Variants in NHSL2 observed in about 807,000 individuals in gnomAD.
The protein encoded by NHSL2 is NHS-like protein 2.
In NHSL2, 27 loss-of-function variants were observed where a neutral mutation model predicts 53.4. The ratio of observed to expected loss-of-function variants is 0.51; its 90% CI spans 0.37 to 0.70. The LOEUF (loss-of-function observed/expected upper bound fraction) is 0.70. Ranked by LOEUF, NHSL2 falls within the 30% of genes least tolerant of loss-of-function variation. NHSL2 has a pLI of 0.00. For missense variants in NHSL2, 892 were observed against 980.1 expected (o/e 0.91, Z 1.20); for synonymous variants, 408 against 404.1 (o/e 1.01, Z -0.12).
In NHSL2 at chrX:71,911,215, T is replaced by A. The variant is rs1445312094; in HGVS notation, c.128T>A (p.Leu43His). The change falls in exon 1 of 8, where the codon CTC becomes CAC. Residue 43 changes from leucine (L) to histidine (H), a missense_variant. By Grantham distance (99) the Leu-to-His change is moderately conservative. Transcript: ENST00000633930. ...ALSLLRQLADLCGHSLALLED... is the reference protein window; with the variant it reads ...ALSLLRQLADHCGHSLALLED... ...AGCCTGCTCCGGCAGCTCGCCGACCTCTGTGGCCACTCGTTGGCTCTGCTC... is the reference window on the plus strand; with the variant it reads ...AGCCTGCTCCGGCAGCTCGCCGACCACTGTGGCCACTCGTTGGCTCTGCTC... 1 of 1,146,886 alleles carries A rather than the reference T, an allele frequency of 8.7e-7. No homozygotes were observed. The highest frequency in any genetic ancestry group is 1.2e-6 in the Non-Finnish European group (1 of 868,739). 94.5% of individuals were successfully genotyped at this position (1,146,886 alleles called of 1,213,427 possible).
chrX:72,099,196 T>C (rs749090518), intron 1 of NHSL2, among the ~76,000 whole-genome samples: 14 of 111,820 alleles, frequency 1.3e-4, no homozygotes, highest in Non-Finnish European at 2.1e-4. Context: ...CAGCCACTTA[T>C]GGAATTTTGA....
chrX:72,107,651 CG>C (rs920780019), intron 1 of NHSL2, among the ~76,000 whole-genome samples: 2 of 111,620 alleles, frequency 1.8e-5, no homozygotes, highest in African/African-American at 3.3e-5. Flanking sequence ...GACAGAGTCC[CG>C]GGGGGGTGTT....
At chrX:72,036,495 ACTT>A (rs2042242227) in intron 1 of NHSL2, among the ~76,000 whole-genome samples, 1 of 112,341 alleles carries the variant, frequency 8.9e-6, no homozygotes, top group African/African-American at 3.2e-5. Context: ...GTTTTACTCA[ACTT>A]CTTGAACCTG....
chrX:71,931,185 G>A (rs764960404), intron 1 of NHSL2, among the ~76,000 whole-genome samples: 1 of 112,191 alleles, frequency 8.9e-6, no homozygotes, highest in Admixed American at 9.4e-5. Flanking sequence ...ATGTCTATTC[G>A]AGTCTTTTGC....
chrX:72,096,290 G>A (rs955688508), intron 1 of NHSL2, among the ~76,000 whole-genome samples: 5 of 111,413 alleles, frequency 4.5e-5, no homozygotes, highest in East Asian at 2.8e-4. Flanking sequence ...ACTTGGTGAC[G>A]GACTAACTTT....
chrX:72,134,740 T>C (rs1406093353), intron 4 of NHSL2, 36 bp downstream of exon 4: 1 of 1,021,736 alleles, frequency 9.8e-7, no homozygotes, highest in East Asian at 3.3e-5. Flanking sequence ...TCTTCTTCCC[T>C]TCATGCCTCT....
chrX:72,022,328 T>G (rs958075054), intron 1 of NHSL2, among the ~76,000 whole-genome samples: 3 of 112,820 alleles, frequency 2.7e-5, no homozygotes, highest in African/African-American at 9.7e-5. Flanking sequence ...TTCTCCATTC[T>G]GAACTTGCTT....
Position 71,963,991 on chromosome X carries a change from A to ATATATGTG in NHSL2, c.280+52625_280+52626insATATGTGT, listed in dbSNP as rs1375614694. Among the ~76,000 whole-genome samples the ATATATGTG allele has an allele frequency of 5.1e-3, 309 of 60,580 alleles. 33 individuals carry two copies. In the East Asian group the frequency reaches 0.11, roughly 22 times the overall value. The allele number at this position is 60,580 out of a possible 115,157, so 52.6% of individuals were successfully genotyped here. ...TATATATACATATATATATATATAT[A>ATATATGTG]TGTATATACATATATATATGTATAT... On this transcript the variant is annotated intron_variant, in intron 1 of 7. Transcript: ENST00000633930.
In NHSL2 at chrX:72,134,530, G is replaced by A. The variant is rs72630038; in HGVS notation, c.586G>A (p.Glu196Lys). The A allele has an allele frequency of 4.9e-3, 5,770 of 1,165,875 alleles. 262 individuals are homozygous for A. In the East Asian group the frequency reaches 0.16, roughly 32 times the overall value. The change falls in exon 4 of 8, where the codon GAG becomes AAG. Residue 196 changes from glutamate to lysine, a missense_variant. Coordinates refer to ENST00000633930, the MANE Select transcript of NHSL2 (RefSeq NM_001013627.3). ...ILMPTKRQLS[E>K]DETTTQGVRA... Reference sequence around the variant, plus strand: ...ACAGCCTACAAAACGGCAGCTGAGCGAGGATGAGACTACCACCCAGGGTGT... The same window carrying A: ...ACAGCCTACAAAACGGCAGCTGAGCAAGGATGAGACTACCACCCAGGGTGT...
Position 72,139,703 on chromosome X carries a change from T to G in NHSL2, c.2155T>G (p.Ser719Ala). 6 of 1,210,506 alleles carry G rather than the reference T, an allele frequency of 5.0e-6. No homozygotes were observed. Among genetic ancestry groups the G allele is most frequent in the Non-Finnish European group, 6.7e-6 (6 of 894,757 alleles). The change falls in exon 6 of 8, where the codon TCG (serine) becomes GCG (alanine). Residue 719 changes from serine (S) to alanine (A), a missense_variant. By Grantham distance (99) the Ser-to-Ala change is moderately conservative. Transcript: ENST00000633930. ...ACCCTCCAGTGGCTACTCCAGCCAGTCGGAAACACCAACACCCACTGTTTC... is the reference window on the plus strand; with the variant it reads ...ACCCTCCAGTGGCTACTCCAGCCAGGCGGAAACACCAACACCCACTGTTTC... ...MSPSSGYSSQ[S>A]ETPTPTVSMS...
intron 1 of NHSL2, among the ~76,000 whole-genome samples, chrX:72,103,084 A>G (rs1405457618): frequency 2.7e-5 from 3 of 112,175 alleles, no homozygotes; most frequent in Non-Finnish European, 5.6e-5. Flanking sequence ...TCTGGAGGAA[A>G]CTAAAAACAG....
chrX:71,948,110 A>AAAAAT (rs1023712927), intron 1 of NHSL2, among the ~76,000 whole-genome samples: 7 of 112,233 alleles, frequency 6.2e-5, no homozygotes, highest in Admixed American at 2.8e-4. Context: ...AGAGAAAAAT[A>AAAAAT]AAAATAAAAT....
chrX:71,993,885 A>G (rs775607311), intron 1 of NHSL2, among the ~76,000 whole-genome samples: 2 of 111,485 alleles, frequency 1.8e-5, no homozygotes, highest in Non-Finnish European at 3.8e-5. Context: ...AAAAAAATAT[A>G]TGGCCAAACC....
chrX:72,034,609 C>T (rs1399691331), intron 1 of NHSL2, among the ~76,000 whole-genome samples: 1 of 112,106 alleles, frequency 8.9e-6, no homozygotes, highest in Non-Finnish European at 1.9e-5. Flanking sequence ...TTTGAAATCA[C>T]TATAAGATTT....
At chrX:71,986,559 T>C (rs1431188733) in intron 1 of NHSL2, among the ~76,000 whole-genome samples, 3 of 112,576 alleles carry the variant, frequency 2.7e-5, no homozygotes, top group African/African-American at 9.7e-5. Flanking sequence ...TAAAAATCTT[T>C]TTTGAAACAG....
intron 1 of NHSL2, among the ~76,000 whole-genome samples, chrX:71,960,078 T>C (rs1735721304): frequency 8.9e-6 from 1 of 112,665 alleles, no homozygotes; most frequent in African/African-American, 3.2e-5. Flanking sequence ...AAGTGGTATC[T>C]CATTATACTT....
rs149819079 is a variant in NHSL2 at position 72,140,042 on chromosome X, C to T, written c.2494C>T (p.Arg832Cys). 6.6e-3 allele frequency: 7,981 copies of T among 1,207,030 alleles called. 590 individuals carry two copies. The Admixed American group carries it at 0.16, about 25-fold the overall frequency. ...TACTCAGTCCGACCTACGTTCTGTTCGCCTGAGGTCGGTCAGCAAGTCTGA... is the reference window on the plus strand; with the variant it reads ...TACTCAGTCCGACCTACGTTCTGTTTGCCTGAGGTCGGTCAGCAAGTCTGA... ...MVTQSDLRSVRLRSVSKSEPE... is the reference protein window; with the variant it reads ...MVTQSDLRSVCLRSVSKSEPE... Residue 832 changes from arginine (R) to cysteine (C), a missense_variant, in exon 6 of 8, where the codon CGC becomes TGC. Arg to Cys is a radical substitution (Grantham distance 180). Transcript: ENST00000633930.
At chrX:72,052,945 TAGA>T (rs2042349218) in intron 1 of NHSL2, among the ~76,000 whole-genome samples, 1 of 112,136 alleles carries the variant, frequency 8.9e-6, no homozygotes, top group Non-Finnish European at 1.9e-5. Flanking sequence ...ATGCCCTCTG[TAGA>T]AGGAGGCTTG....
intron 1 of NHSL2, among the ~76,000 whole-genome samples, chrX:71,936,684 G>A (rs1337074026): frequency 8.9e-6 from 1 of 112,353 alleles, no homozygotes; most frequent in Non-Finnish European, 1.9e-5. Flanking sequence ...TAGTGAATGA[G>A]AGACAAGTTT....
Sources: allele counts gnomAD v4.1 joint callset (sites outside exome capture counted in the v4.1 genomes callset), GRCh38; gene constraint gnomAD v4.1.1; transcripts MANE v1.5; gene names NCBI Gene and HGNC (gene_info 2026-07-23, HGNC 2026-07-21).